The following DNAI3 variants were observed in gnomAD, a reference collection of about 807,000 sequenced individuals.
The protein encoded by DNAI3 is WD repeat domain 63.
Under a neutral mutation model 115.5 loss-of-function variants are expected in DNAI3, and 83 were observed. That is an observed-to-expected ratio of 0.72 (90% confidence interval 0.60 to 0.86). The LOEUF is 0.86. Among genes scored for constraint, DNAI3 ranks in the 40% least tolerant of loss-of-function variants. The probability of loss-of-function intolerance (pLI) is 0.00; values close to 1 mark genes in which losing one functional copy is unlikely to be tolerated. For synonymous variants in DNAI3, 320 were observed against 347.0 expected, an observed-to-expected ratio of 0.92 and a Z score of 0.86; for missense variants, 1,004 against 1,075.8, an observed-to-expected ratio of 0.93 and a Z score of 0.93.
In DNAI3 at chr1:85,128,758, T is replaced by C; in HGVS notation, c.2368T>C (p.Leu790=). ...TADYYGTLHI[L]EIPWTLSRPS... is the part of the protein sequence containing the mutation. ...TGATTATTATGGAACACTGCATATA[T>C]TAGAAATTCCTTGGACATTAAGTCG... Residue 790 remains leucine (L), a synonymous_variant, in exon 21 of 23, where the codon TTA becomes CTA. Transcript: ENST00000294664. 5.6e-6 allele frequency: 9 copies of C among 1,613,174 alleles called. No homozygotes were observed. The highest frequency in any genetic ancestry group is 7.6e-6 in the Non-Finnish European group (9 of 1,179,814).
At chr1:85,107,353 A>C (rs760578091) in intron 14 of DNAI3, among the ~76,000 whole-genome samples, 1 of 152,218 alleles carries the variant, frequency 6.6e-6, no homozygotes, top group Non-Finnish European at 1.5e-5. Flanking sequence ...TGTACTGATG[A>C]GTGGATACAT....
intron 8 of DNAI3, among the ~76,000 whole-genome samples, chr1:85,092,794 T>TACACACAC (rs58308443): frequency 0.036 from 5,245 of 145,224 alleles, 115 homozygotes; most frequent in East Asian, 0.065. Context: ...CAACTAAAAC[T>TACACACAC]ACACACACAC....
At chr1:85,128,055 G>T (rs1011667249) in intron 20 of DNAI3, among the ~76,000 whole-genome samples, 1 of 149,182 alleles carries the variant, frequency 6.7e-6, no homozygotes, top group African/African-American at 2.5e-5. Flanking sequence ...AGCCTGGGAG[G>T]TTGAGGCTGC....
chr1:85,106,534 G>A (rs1389014865), intron 14 of DNAI3, among the ~76,000 whole-genome samples: 1 of 152,184 alleles, frequency 6.6e-6, no homozygotes, highest in African/African-American at 2.4e-5. Flanking sequence ...ATCATTAGCT[G>A]TCAGGGGAAG....
Position 85,104,567 on chromosome 1 carries a change from G to A in DNAI3, c.1523G>A (p.Cys508Tyr). The part of the protein sequence containing the change: ...GSVFENRSGI[C>Y]CQLVTCSADC... ...GTCTTTGAGAATCGAAGTGGAATAT[G>A]CTGTCAACTTGTCACATGTTCAGCA... Residue 508 changes from cysteine to tyrosine, a missense_variant, in exon 14 of 23, where the codon TGC becomes TAC. Transcript: ENST00000294664. 6.2e-7 allele frequency: 1 copy of A among 1,613,876 alleles called. No homozygotes were observed. The highest frequency in any genetic ancestry group is 1.1e-5 in the South Asian group (1 of 91,050).
At chr1:85,082,848 G>A (rs968026568) in intron 5 of DNAI3, among the ~76,000 whole-genome samples, 3 of 152,122 alleles carry the variant, frequency 2.0e-5, no homozygotes, top group African/African-American at 4.8e-5. Context: ...TTTGCCCTTC[G>A]TTGACCTCGT....
At chr1:85,068,337 T>A (rs1654160638) in intron 1 of DNAI3, among the ~76,000 whole-genome samples, 1 of 152,166 alleles carries the variant, frequency 6.6e-6, no homozygotes, top group Non-Finnish European at 1.5e-5. Flanking sequence ...TTTCAATTTC[T>A]TAGGCAAAAT....
chr1:85,094,062 G>T (rs1034034019), intron 9 of DNAI3: 2 of 400,134 alleles, frequency 5.0e-6, no homozygotes, highest in African/African-American at 4.1e-5. Flanking sequence ...AGGTAGGTAG[G>T]GATGTGCAAA....
Position 85,124,252 on chromosome 1 carries a change from G to A in DNAI3, c.2112+1G>A, listed in dbSNP as rs1344305974. The stretch of plus-strand genomic sequence containing the variant: ...GGCCATATGGAAAGAAGGTGTTATG[G>A]TAAGTTGCCTGCAAAATGGAAGCAT... On this transcript the variant is annotated splice_donor_variant, in intron 19 of 22. Transcript: ENST00000294664. LOFTEE classifies it high-confidence loss of function. 6.5e-7 allele frequency: 1 copy of A among 1,543,084 alleles called. No individual in the cohort carries two copies. Among genetic ancestry groups the A allele is most frequent in the Non-Finnish European group, 8.7e-7 (1 of 1,145,536 alleles).
chr1:85,105,528 C>CAAAAAAAAAAAAAAAAAAAAA (rs755945527), intron 14 of DNAI3, among the ~76,000 whole-genome samples: 3 of 51,718 alleles, frequency 5.8e-5, no homozygotes, highest in East Asian at 3.9e-4. Flanking sequence ...AACTCTGTCT[C>CAAAAAAAAAAAAAAAAAAAAA]AAAAAAAAAA....
At chr1:85,062,913 T>A (rs1571146149) in intron 1 of DNAI3, among the ~76,000 whole-genome samples, 1 of 152,100 alleles carries the variant, frequency 6.6e-6, no homozygotes, top group Non-Finnish European at 1.5e-5. Context: ...TGGGCTGAAA[T>A]AGATTACTTC....
At position 85,132,870 on chromosome 1, in the gene DNAI3, T is replaced by C; in HGVS notation, c.2548T>C (p.Ser850Pro). ...CCCCCCCCAGAAAACATATCAGAAG[T>C]CAAAAGAACAAATGCAGGCTGAATT... ...AKKKVKTYQK[S>P]KEQMQAELKM... Residue 850 changes from serine to proline, a missense_variant, in exon 23 of 23, where the codon TCA (serine) becomes CCA (proline). Ser to Pro is a moderately conservative substitution (Grantham distance 74, BLOSUM62 -1). Around this residue, in one of 3 missense-constraint regions of DNAI3, gnomAD observed 429 missense variants for 454.3 expected, o/e 0.94. Coordinates refer to ENST00000294664, the MANE Select transcript of DNAI3 (RefSeq NM_145172.5). The C allele has an allele frequency of 8.1e-6, 13 of 1,613,250 alleles. No homozygotes were observed. The highest frequency in any genetic ancestry group is 1.1e-5 in the Non-Finnish European group (13 of 1,179,692).
At chr1:85,111,442 C>T (rs753048018) in intron 16 of DNAI3, among the ~76,000 whole-genome samples, 1 of 152,116 alleles carries the variant, frequency 6.6e-6, no homozygotes, top group Non-Finnish European at 1.5e-5. Context: ...GGTTCAGGTA[C>T]GGTGCTACTA....
chr1:85,129,382 T>C (rs546895297), intron 21 of DNAI3, among the ~76,000 whole-genome samples: 5 of 151,934 alleles, frequency 3.3e-5, no homozygotes, highest in South Asian at 2.1e-4. Context: ...ATCAGCCTAG[T>C]TACTGGCAGG....
chr1:85,103,761 C>T (rs1264864561), intron 13 of DNAI3, among the ~76,000 whole-genome samples: 1 of 151,722 alleles, frequency 6.6e-6, no homozygotes, highest in East Asian at 1.9e-4. Context: ...GTGGCACATG[C>T]CTGTAATCCC....
intron 18 of DNAI3, among the ~76,000 whole-genome samples, chr1:85,122,216 T>G (rs950691616): frequency 4.6e-5 from 7 of 152,106 alleles, no homozygotes; most frequent in Non-Finnish European, 1.0e-4. Flanking sequence ...AAAATCTGAG[T>G]CAATGTGAGA....
intron 16 of DNAI3, among the ~76,000 whole-genome samples, chr1:85,110,450 C>CAAAT (rs71582946): frequency 0.014 from 1,986 of 138,232 alleles, 32 homozygotes; most frequent in African/African-American, 0.02. Context: ...GACTCCATCT[C>CAAAT]AAATAAATAA....
chr1:85,098,140 A>G (rs12041264), intron 12 of DNAI3, among the ~76,000 whole-genome samples: 10,725 of 152,232 alleles, frequency 0.07, 541 homozygotes, highest in East Asian at 0.17. Flanking sequence ...GGTTGAGAAG[A>G]TTACTCCATA....
chr1:85,105,132 A>T (rs1170023410), intron 14 of DNAI3, among the ~76,000 whole-genome samples: 1 of 152,212 alleles, frequency 6.6e-6, no homozygotes, highest in Non-Finnish European at 1.5e-5. Flanking sequence ...CAAATGTTGG[A>T]CAAACTTTCC....
Sources: allele counts gnomAD v4.1 joint callset (sites outside exome capture counted in the v4.1 genomes callset), GRCh38; gene constraint gnomAD v4.1.1; regional missense constraint gnomAD v4.1.1; transcripts MANE v1.5; gene names NCBI Gene and HGNC (gene_info 2026-07-23, HGNC 2026-07-21).